The following DAB2 variants were observed in gnomAD, a reference collection of about 807,000 sequenced individuals.
DAB2 encodes DAB adaptor protein 2, also known as disabled homolog 2.
Under a neutral mutation model 71.6 loss-of-function variants are expected in DAB2, and 28 were observed. The observed-to-expected ratio is 0.39, with a 90% CI of 0.29 to 0.54. The LOEUF (loss-of-function observed/expected upper bound fraction) is 0.54. DAB2 is among the 20% of genes least tolerant of loss of function. The pLI, the probability that DAB2 is intolerant of heterozygous loss-of-function variation, is 0.68. For synonymous variants in DAB2, 345 were observed against 339.7 expected, an observed-to-expected ratio of 1.02 and a Z score of -0.17; for missense variants, 867 against 928.8, an observed-to-expected ratio of 0.93 and a Z score of 0.86.
chr5:39,405,386 A>C (rs1417629245), intron 1 of DAB2, among the ~76,000 whole-genome samples: 1 of 152,240 alleles, frequency 6.6e-6, no homozygotes, highest in Non-Finnish European at 1.5e-5. Flanking sequence ...ACAGGAATCC[A>C]ACTTTCTCCT....
At chr5:39,378,251 A>T (rs910997311) in intron 11 of DAB2, among the ~76,000 whole-genome samples, 1 of 152,190 alleles carries the variant, frequency 6.6e-6, no homozygotes, top group South Asian at 2.1e-4. Context: ...CGCTCCCTGC[A>T]TCTTGTTCTA....
At position 39,394,421 on chromosome 5, in the gene DAB2, C is replaced by T. The variant is rs1755308821; in HGVS notation, c.-101G>A. On this transcript the variant is annotated splice_region_variant and 5_prime_UTR_variant, in exon 2 of 15. The change creates a new upstream start codon in the 5' untranslated region. Transcript: ENST00000320816. ...AAATAAACATAACCTCCCACAGACACCTGTAGGCAGAGTTTAGAGGCATAT... is the reference window on the plus strand; with the variant it reads ...AAATAAACATAACCTCCCACAGACATCTGTAGGCAGAGTTTAGAGGCATAT... 1 of 866,406 alleles carries T rather than the reference C, an allele frequency of 1.2e-6. No homozygotes were observed. The highest frequency in any genetic ancestry group is 1.7e-5 in the African/African-American group (1 of 60,390). The allele number at this position is 866,406 out of a possible 1,614,324, so 53.7% of individuals were successfully genotyped here. A position where few individuals can be genotyped will look rare whatever the true frequency, so the allele number is the denominator to read the frequency against.
chr5:39,373,704 G>A (rs1754753937), intron 14 of DAB2, among the ~76,000 whole-genome samples: 1 of 152,106 alleles, frequency 6.6e-6, no homozygotes, highest in African/African-American at 2.4e-5. Context: ...AAAGAAGGAA[G>A]GACCTCCAAA....
At chr5:39,407,275 A>G (rs772763326) in intron 1 of DAB2, among the ~76,000 whole-genome samples, 1 of 152,176 alleles carries the variant, frequency 6.6e-6, no homozygotes, top group Non-Finnish European at 1.5e-5. Context: ...GCTGGAGTGC[A>G]GAGGCGCGAT....
chr5:39,375,148 A>C, intron 13 of DAB2, 64 bp from the exon 14 acceptor site: 1 of 1,199,090 alleles, frequency 8.3e-7, no homozygotes, highest in Non-Finnish European at 1.2e-6. Flanking sequence ...AATCGCAATG[A>C]AGACTTCCAA....
At chr5:39,398,639 G>C (rs1350997568) in intron 1 of DAB2, among the ~76,000 whole-genome samples, 1 of 152,146 alleles carries the variant, frequency 6.6e-6, no homozygotes, top group Non-Finnish European at 1.5e-5. Flanking sequence ...GAAATGATCA[G>C]AAGGTAGACT....
At chr5:39,393,016 T>C (rs183917122) in intron 3 of DAB2, among the ~76,000 whole-genome samples, 197 of 152,312 alleles carry the variant, frequency 1.3e-3, no homozygotes, top group Non-Finnish European at 2.2e-3. Context: ...AATGTTGAGC[T>C]TGCCAGAAGG....
intron 1 of DAB2, among the ~76,000 whole-genome samples, chr5:39,411,780 C>T (rs1755738822): frequency 6.6e-6 from 1 of 152,100 alleles, no homozygotes; most frequent in Non-Finnish European, 1.5e-5. Context: ...ATGACCAAGC[C>T]CTTCCATTCT....
At chr5:39,379,344 T>G (rs1291692560) in intron 11 of DAB2, among the ~76,000 whole-genome samples, 2 of 144,004 alleles carry the variant, frequency 1.4e-5, no homozygotes, top group African/African-American at 5.2e-5. Flanking sequence ...TCCCAGCTAC[T>G]AGAGAGGCTG....
intron 1 of DAB2, among the ~76,000 whole-genome samples, chr5:39,395,028 G>C (rs1391308220): frequency 6.6e-6 from 1 of 152,116 alleles, no homozygotes; most frequent in Non-Finnish European, 1.5e-5. Flanking sequence ...GATTGAGGGG[G>C]TTCCAATTGT....
intron 2 of DAB2, among the ~76,000 whole-genome samples, chr5:39,393,637 G>C (rs1345976048): frequency 6.6e-6 from 1 of 152,086 alleles, no homozygotes; most frequent in Non-Finnish European, 1.5e-5. Flanking sequence ...CAGCGTTATG[G>C]GAAACGTATG....
At chr5:39,378,192 C>T (rs966537457) in intron 11 of DAB2, among the ~76,000 whole-genome samples, 3 of 152,224 alleles carry the variant, frequency 2.0e-5, no homozygotes, top group African/African-American at 2.4e-5. Flanking sequence ...TTCGTTAAAT[C>T]GCCAGAATCC....
In DAB2 at chr5:39,421,898, A is replaced by G. The variant is rs573945464; in HGVS notation, c.-102+2906T>C. Among the ~76,000 whole-genome samples, 74 of 24,304 alleles carry G rather than the reference A, an allele frequency of 3.0e-3. 1 individual carries two copies. The highest frequency in any genetic ancestry group is 0.013 in the African/African-American group (72 of 5,366). The allele number at this position is 24,304 out of a possible 152,430, so 15.9% of individuals were successfully genotyped here. On this transcript the variant is annotated intron_variant, in intron 1 of 14. Coordinates refer to ENST00000320816, the MANE Select transcript of DAB2 (RefSeq NM_001343.4). ...ATGGTGAAACCCCGTCTCTACTACT[A>G]CTACAAAAAAAAAAAAAAAATATTA...
rs1579932451 is a variant in DAB2, at chr5:39,422,890, T to C, written c.-102+1914A>G. 6.6e-6 allele frequency among the ~76,000 whole-genome samples: 1 copy of C among 152,208 alleles called. No homozygotes were observed. The highest frequency in any genetic ancestry group is 1.9e-4 in the East Asian group (1 of 5,202). ...TTTAATCTGAAACTATAAAAGTCTTTAGCAGAAACACAAACTCTGGAGTTT... is the reference window on the plus strand; with the variant it reads ...TTTAATCTGAAACTATAAAAGTCTTCAGCAGAAACACAAACTCTGGAGTTT... On this transcript the variant is annotated intron_variant, in intron 1 of 14. Coordinates refer to ENST00000320816, the MANE Select transcript of DAB2 (RefSeq NM_001343.4). This position sits in a 1 kb window ranked among gnomAD's most constrained non-coding sequence, Gnocchi z 4.1.
At chr5:39,381,837 C>A (rs538716870) in intron 10 of DAB2, among the ~76,000 whole-genome samples, 1 of 152,370 alleles carries the variant, frequency 6.6e-6, no homozygotes, top group South Asian at 2.1e-4. Context: ...GTGTCTGACA[C>A]TACCTAGGAC....
intron 1 of DAB2, chr5:39,417,199 T>G (rs1290443656): frequency 6.6e-6 from 1 of 151,852 alleles, no homozygotes; most frequent in Non-Finnish European, 1.5e-5. Context: ...CTAATGTAGG[T>G]GATGGGTTGA....
In DAB2 at chr5:39,392,222, C is replaced by T. The variant is rs1230696292; in HGVS notation, c.330+143G>A. On this transcript the variant is annotated intron_variant, in intron 4 of 14. Transcript: ENST00000320816. ...CTTTTACCTCCTATTCTGTTTTCTG[C>T]CTGTTACTTCTGGAGATGTAATATA... The T allele has an allele frequency of 1.8e-4, 125 of 682,312 alleles. 1 individual carries two copies. The Admixed American group carries it at 2.9e-3, about 16-fold the overall frequency. 42.3% of individuals were successfully genotyped at this position (682,312 alleles called of 1,614,324 possible).
intron 1 of DAB2, among the ~76,000 whole-genome samples, chr5:39,413,592 AATGTATTAAC>A (rs1755779517): frequency 6.6e-6 from 1 of 152,176 alleles, no homozygotes; most frequent in Admixed American, 6.5e-5. Flanking sequence ...TATGAAGCAG[AATGTATTAAC>A]ATGATTTTTC....
Position 39,422,867 on chromosome 5 carries a change from T to C in DAB2, c.-102+1937A>G, listed in dbSNP as rs1756021849. 6.6e-6 allele frequency among the ~76,000 whole-genome samples: 1 copy of C among 152,208 alleles called. No individual in the cohort carries two copies. Reference sequence around the variant, plus strand: ...TGCACAGGAATTTGGACTTCCAGTTTAATCTGAAACTATAAAAGTCTTTAG... The same window carrying C: ...TGCACAGGAATTTGGACTTCCAGTTCAATCTGAAACTATAAAAGTCTTTAG... On this transcript the variant is annotated intron_variant, in intron 1 of 14. Transcript: ENST00000320816. This position sits in a 1 kb window ranked among gnomAD's most constrained non-coding sequence, Gnocchi z 4.1.
Sources: allele counts gnomAD v4.1 joint callset (sites outside exome capture counted in the v4.1 genomes callset), GRCh38; gene constraint gnomAD v4.1.1; non-coding constraint Gnocchi (gnomAD v3.1); transcripts MANE v1.5; gene names NCBI Gene and HGNC (gene_info 2026-07-23, HGNC 2026-07-21).